The following NCOR1 variants were observed in gnomAD, a reference collection of about 807,000 sequenced individuals.
NCOR1 encodes the protein protein phosphatase 1, regulatory subunit 109.
In NCOR1, 63 loss-of-function variants were observed where a neutral mutation model predicts 288.1. The observed-to-expected ratio is 0.22, with a 90% CI of 0.18 to 0.27. NCOR1 has a LOEUF of 0.27. Among genes scored for constraint, NCOR1 ranks in the 10% least tolerant of loss-of-function variants. NCOR1 has a pLI of 1.00. For synonymous variants in NCOR1, 1,007 were observed against 1,065.9 expected, an observed-to-expected ratio of 0.94 and a Z score of 1.08; for missense variants, 2,397 against 3,019.2, an observed-to-expected ratio of 0.79 and a Z score of 4.83.
chr17:16,115,152 C>A (rs1340443324), intron 18 of NCOR1, among the ~76,000 whole-genome samples: 1 of 152,206 alleles, frequency 6.6e-6, no homozygotes, highest in Non-Finnish European at 1.5e-5. Flanking sequence ...GAAGCCACGG[C>A]CCAAGCTGTA....
At position 16,061,772 on chromosome 17, in the gene NCOR1, G is replaced by A. The variant is rs2152612513; in HGVS notation, c.5510C>T (p.Ser1837Phe). 6.2e-7 allele frequency: 1 copy of A among 1,614,078 alleles called. No homozygotes were observed. The highest frequency in any genetic ancestry group is 8.5e-7 in the Non-Finnish European group (1 of 1,180,028). ...AAASAPQMDV[S>F]KTKESKHEAA... Reference sequence around the variant, plus strand: ...TTCATGCTTACTCTCTTTTGTTTTGGACACATCCATCTGGGGTGCAGAAGC... The same window carrying A: ...TTCATGCTTACTCTCTTTTGTTTTGAACACATCCATCTGGGGTGCAGAAGC... The change falls in exon 37 of 46, where the codon TCC (serine) becomes TTC (phenylalanine). Residue 1837 changes from serine (S) to phenylalanine (F), a missense_variant. By Grantham distance (155) the Ser-to-Phe change is radical (BLOSUM62 -2). Transcript: ENST00000268712.
Position 16,174,962 on chromosome 17 carries a change from T to C in NCOR1, c.243-2967A>G, listed in dbSNP as rs79446678. ...TACACGAATATTCACAGCAGAATTA[T>C]TCATAATTGTCAAAAAGTAAAAATG... is the stretch of plus-strand genomic sequence containing the variant. On this transcript the variant is annotated intron_variant, in intron 3 of 45. Transcript: ENST00000268712. 7.5e-3 allele frequency among the ~76,000 whole-genome samples: 1,147 copies of C among 152,116 alleles called. 19 individuals carry two copies. The highest frequency in any genetic ancestry group is 0.05 in the East Asian group (257 of 5,182).
intron 40 of NCOR1, among the ~76,000 whole-genome samples, chr17:16,053,093 G>C (rs2059503008): frequency 6.6e-6 from 1 of 152,180 alleles, no homozygotes; most frequent in African/African-American, 2.4e-5. Context: ...ACATCATACT[G>C]AATGGGCAAA....
chr17:16,146,249 C>T (rs183071464), intron 10 of NCOR1, 127 bp downstream of exon 10: 1 of 797,664 alleles, frequency 1.3e-6, no homozygotes, highest in African/African-American at 1.8e-5. Context: ...GTCCTATGAC[C>T]CTGCCAAATC....
At chr17:16,124,888 A>G (rs2153181296) in intron 15 of NCOR1, among the ~76,000 whole-genome samples, 1 of 152,332 alleles carries the variant, frequency 6.6e-6, no homozygotes, top group East Asian at 1.9e-4. Flanking sequence ...GGAATCTTCC[A>G]AATCAAAAAT....
chr17:16,151,370 C>T (rs2078843614), intron 8 of NCOR1, among the ~76,000 whole-genome samples: 1 of 152,150 alleles, frequency 6.6e-6, no homozygotes, highest in East Asian at 1.9e-4. Context: ...AGCCTCGTCA[C>T]CCACAAGGTG....
chr17:16,085,572 A>G (rs2064096777), intron 23 of NCOR1, among the ~76,000 whole-genome samples: 1 of 152,228 alleles, frequency 6.6e-6, no homozygotes. Context: ...TGAATTCCCT[A>G]AAACCATTAT....
intron 1 of NCOR1, among the ~76,000 whole-genome samples, chr17:16,207,230 A>G (rs977354811): frequency 2.6e-5 from 4 of 152,232 alleles, no homozygotes; most frequent in African/African-American, 9.6e-5. Flanking sequence ...CATGATGATG[A>G]CTACTTAAAA....
chr17:16,035,288 C>T (rs966913837), intron 44 of NCOR1, among the ~76,000 whole-genome samples: 7 of 152,174 alleles, frequency 4.6e-5, no homozygotes, highest in African/African-American at 1.7e-4. Flanking sequence ...CACAGTAGAA[C>T]TTTCAAAATT....
In NCOR1 at chr17:16,047,108, G is replaced by A; in HGVS notation, c.6537-15C>T. 1 of 1,606,718 alleles carries A rather than the reference G, an allele frequency of 6.2e-7. No individual in the cohort carries two copies. On this transcript the variant is annotated splice_polypyrimidine_tract_variant and intron_variant, in intron 41 of 45. Coordinates refer to ENST00000268712, the MANE Select transcript of NCOR1 (RefSeq NM_006311.4). ...GGGCATCATTCCTGTTAGGGCCAAA[G>A]TTAAGTATATTACAACCACGTACTC...
At chr17:16,141,780 A>C (rs1364941042) in intron 11 of NCOR1, among the ~76,000 whole-genome samples, 1 of 152,208 alleles carries the variant, frequency 6.6e-6, no homozygotes, top group Non-Finnish European at 1.5e-5. Flanking sequence ...ATAATAGGCT[A>C]TAAATATTTG....
chr17:16,040,118 C>A (rs1280412451), intron 43 of NCOR1: 4 of 504,744 alleles, frequency 7.9e-6, no homozygotes, highest in Non-Finnish European at 1.5e-5. Flanking sequence ...ACAGATAACT[C>A]CTTAAGGAAA....
intron 3 of NCOR1, among the ~76,000 whole-genome samples, chr17:16,176,772 G>A (rs946186694): frequency 2.0e-5 from 3 of 151,964 alleles, no homozygotes; most frequent in African/African-American, 7.3e-5. Flanking sequence ...ACCTTGTGGA[G>A]CATTTATTTT....
Position 16,057,994 on chromosome 17 carries a change from T to C in NCOR1, c.6081A>G (p.Gln2027=), listed in dbSNP as rs1454591429. 7 of 1,614,032 alleles carry C rather than the reference T, an allele frequency of 4.3e-6. No individual in the cohort carries two copies. Among genetic ancestry groups the C allele is most frequent in the African/African-American group, 2.7e-5 (2 of 74,922 alleles). The part of the protein sequence containing the change: ...YRPQQESPSP[Q]QQLPPSSQAE... ...CCTGTGAAGAAGGGGGCAGCTGTTGTTGGGGAGATGGTGATTCCTGCTGTG... is the reference window on the plus strand; with the variant it reads ...CCTGTGAAGAAGGGGGCAGCTGTTGCTGGGGAGATGGTGATTCCTGCTGTG... Residue 2027 remains glutamine, a synonymous_variant, in exon 39 of 46, where the codon CAA becomes CAG. Transcript: ENST00000268712.
intron 13 of NCOR1, chr17:16,137,713 A>C: frequency 4.3e-6 from 1 of 231,330 alleles, no homozygotes; most frequent in Non-Finnish European, 8.2e-6. Context: ...CATACATGCA[A>C]ATTTTTAAAA....
intron 11 of NCOR1, 103 bp from the exon 12 acceptor site, chr17:16,139,289 G>C: frequency 1.2e-6 from 1 of 859,746 alleles, no homozygotes; most frequent in Non-Finnish European, 1.8e-6. Context: ...CATGTATGCA[G>C]TTTAATAACA....
At chr17:16,204,534 A>T (rs1433413103) in intron 1 of NCOR1, among the ~76,000 whole-genome samples, 1 of 152,212 alleles carries the variant, frequency 6.6e-6, no homozygotes, top group Non-Finnish European at 1.5e-5. Context: ...ATATCCTGCG[A>T]TATACAAGCA....
At chr17:16,125,820 A>T (rs2073943201) in intron 15 of NCOR1, among the ~76,000 whole-genome samples, 1 of 152,072 alleles carries the variant, frequency 6.6e-6, no homozygotes, top group Non-Finnish European at 1.5e-5. Flanking sequence ...CTCACTTATA[A>T]GTGGGAGCTA....
intron 19 of NCOR1, among the ~76,000 whole-genome samples, chr17:16,106,438 A>G (rs932619464): frequency 1.6e-5 from 1 of 60,792 alleles, no homozygotes; most frequent in Admixed American, 1.9e-4. Context: ...CTAAAAATAC[A>G]AAAAAAAACC....
Sources: allele counts gnomAD v4.1 joint callset (sites outside exome capture counted in the v4.1 genomes callset), GRCh38; gene constraint gnomAD v4.1.1; transcripts MANE v1.5; gene names NCBI Gene and HGNC (gene_info 2026-07-23, HGNC 2026-07-21).